The following SESTD1 variants were observed in gnomAD, a reference collection of about 807,000 sequenced individuals.
SESTD1 encodes the protein SEC14 and spectrin domain containing 1, also known as SEC14 domain and spectrin repeat-containing protein 1.
Under a neutral mutation model 101.7 loss-of-function variants are expected in SESTD1, and 43 were observed. That is an observed-to-expected ratio of 0.42 (90% CI 0.33 to 0.55). SESTD1 has a LOEUF of 0.55. Among genes scored for constraint, SESTD1 ranks in the 20% least tolerant of loss-of-function variants. SESTD1 has a pLI of 0.07. For synonymous variants in SESTD1, 283 were observed against 286.8 expected, an observed-to-expected ratio of 0.99 and a Z score of 0.13; for missense variants, 647 against 815.1, an observed-to-expected ratio of 0.79 and a Z score of 2.51.
chr2:179,186,741 G>A (rs896318525), intron 2 of SESTD1, among the ~76,000 whole-genome samples: 1 of 145,448 alleles, frequency 6.9e-6, no homozygotes, highest in Non-Finnish European at 1.5e-5. Context: ...AGGCTGGAGT[G>A]CAGTGGCGCG....
At chr2:179,120,681 G>A (rs762087103) in intron 13 of SESTD1, among the ~76,000 whole-genome samples, 13 of 152,044 alleles carry the variant, frequency 8.6e-5, no homozygotes, top group Admixed American at 6.5e-5. Context: ...TATTACGTTG[G>A]TAATGCTGGT....
chr2:179,222,103 C>T (rs1314275835), intron 1 of SESTD1, among the ~76,000 whole-genome samples: 3 of 152,108 alleles, frequency 2.0e-5, no homozygotes, highest in South Asian at 2.1e-4. Context: ...GAGTGACCAC[C>T]TCTTTTCTCT....
chr2:179,248,911 T>C (rs1654868423), intron 1 of SESTD1, among the ~76,000 whole-genome samples: 1 of 148,582 alleles, frequency 6.7e-6, no homozygotes, highest in Non-Finnish European at 1.5e-5. Context: ...GGAAACCCTG[T>C]CTGTACAAAA....
intron 1 of SESTD1, among the ~76,000 whole-genome samples, chr2:179,242,944 G>A (rs1264070339): frequency 6.6e-6 from 1 of 152,098 alleles, no homozygotes; most frequent in East Asian, 1.9e-4. Flanking sequence ...AACAAAAATT[G>A]ACAAGTGGTA....
chr2:179,122,395 AC>A (rs1350887952), intron 12 of SESTD1, among the ~76,000 whole-genome samples: 1 of 152,224 alleles, frequency 6.6e-6, no homozygotes, highest in Non-Finnish European at 1.5e-5. Context: ...AGGATGTTGA[AC>A]ATTGTGACTA....
chr2:179,199,518 A>G (rs1035300404), intron 1 of SESTD1, among the ~76,000 whole-genome samples: 1 of 152,204 alleles, frequency 6.6e-6, no homozygotes, highest in African/African-American at 2.4e-5. Context: ...AGAATTTTAG[A>G]CCAATATCCT....
chr2:179,117,628 C>A lies in SESTD1; in HGVS notation c.1443-15G>T. ...TGTCTTCACATCTAATGAACCCAAA[C>A]ATAAATTTAACTCATCATTTCTGTT... On this transcript the variant is annotated splice_polypyrimidine_tract_variant and intron_variant, in intron 13 of 17. Transcript: ENST00000428443. The A allele has an allele frequency of 6.5e-7, 1 of 1,548,760 alleles. No homozygotes were observed. Among genetic ancestry groups the A allele is most frequent in the African/African-American group, 1.4e-5 (1 of 70,768 alleles).
intron 1 of SESTD1, among the ~76,000 whole-genome samples, chr2:179,222,962 T>C (rs972795673): frequency 1.3e-5 from 2 of 152,094 alleles, no homozygotes; most frequent in African/African-American, 4.8e-5. Context: ...AAACAAAAAA[T>C]ATATCCACCC....
At chr2:179,259,283 G>GT (rs1235838347) in intron 1 of SESTD1, among the ~76,000 whole-genome samples, 1 of 152,144 alleles carries the variant, frequency 6.6e-6, no homozygotes, top group Admixed American at 6.5e-5. Flanking sequence ...CCAGGCTGGA[G>GT]TGCAGTGGCG....
chr2:179,227,065 A>C (rs972901037), intron 1 of SESTD1, among the ~76,000 whole-genome samples: 1 of 152,218 alleles, frequency 6.6e-6, no homozygotes, highest in African/African-American at 2.4e-5. Context: ...GCCCATTAGG[A>C]TTATGAATGA....
rs758441486 is a variant in SESTD1 at position 179,110,054 on chromosome 2, C to A, written c.1962-26G>T. ...CTAAAAATCAAAACACACAGAAAAACCTCAGATTAATACAAATCTATTAAC... is the reference window on the plus strand; with the variant it reads ...CTAAAAATCAAAACACACAGAAAAAACTCAGATTAATACAAATCTATTAAC... On this transcript the variant is annotated intron_variant, in intron 17 of 17. Coordinates refer to ENST00000428443, the MANE Select transcript of SESTD1 (RefSeq NM_178123.5). The A allele has an allele frequency of 5.0e-6, 8 of 1,610,386 alleles. No homozygotes were observed. In the East Asian group the frequency reaches 1.3e-4, roughly 27 times the overall value.
intron 15 of SESTD1, 56 bp downstream of exon 15, chr2:179,116,612 G>A: frequency 6.2e-7 from 1 of 1,612,542 alleles, no homozygotes; most frequent in Non-Finnish European, 8.5e-7. Flanking sequence ...TTATAATCAT[G>A]CAGAAAGCTA....
Position 179,101,866 on chromosome 2 carries a change from A to G in SESTD1, c.*8033T>C, listed in dbSNP as rs1261557156. The G allele has an allele frequency of 2.0e-5, 3 of 152,122 alleles. No homozygotes were observed. The highest frequency in any genetic ancestry group is 2.9e-5 in the Non-Finnish European group (2 of 68,000). 9.4% of individuals were successfully genotyped at this position (152,122 alleles called of 1,614,324 possible). ...ATAACAAATGTACAATGTCTTCTAT[A>G]TATTTTTTTGCTTGTATGTTGAACT... On this transcript the variant is annotated 3_prime_UTR_variant, in exon 18 of 18. Coordinates refer to ENST00000428443, the MANE Select transcript of SESTD1 (RefSeq NM_178123.5).
Position 179,109,293 on chromosome 2 carries a change from C to T in SESTD1, c.*606G>A, listed in dbSNP as rs1425579069. 1.3e-5 allele frequency: 2 copies of T among 155,218 alleles called. No homozygotes were observed. Among genetic ancestry groups the T allele is most frequent in the African/African-American group, 2.4e-5 (1 of 41,544 alleles). The allele number at this position is 155,218 out of a possible 1,614,324, so 9.6% of individuals were successfully genotyped here. Reference sequence around the variant, plus strand: ...CATGTTTGGAAATAGGATGTAACTACTAAATTAAATAAGATGTTTAAAGAA... The same window carrying T: ...CATGTTTGGAAATAGGATGTAACTATTAAATTAAATAAGATGTTTAAAGAA... On this transcript the variant is annotated 3_prime_UTR_variant, in exon 18 of 18. Transcript: ENST00000428443.
chr2:179,163,043 A>T (rs1199013645), intron 5 of SESTD1, among the ~76,000 whole-genome samples: 2 of 152,066 alleles, frequency 1.3e-5, no homozygotes, highest in Non-Finnish European at 2.9e-5. Context: ...CGAGATTGAT[A>T]TATTTCCGTC....
chr2:179,249,713 A>G (rs2047287734), intron 1 of SESTD1, among the ~76,000 whole-genome samples: 1 of 152,182 alleles, frequency 6.6e-6, no homozygotes, highest in Admixed American at 6.6e-5. Context: ...CAATTTTGGA[A>G]AATAATGCAG....
rs1490019035 is a variant in SESTD1 at position 179,102,865 on chromosome 2, A to G, written c.*7034T>C. The G allele has an allele frequency of 6.6e-6, 1 of 152,096 alleles. No homozygotes were observed. The highest frequency in any genetic ancestry group is 2.1e-4 in the South Asian group (1 of 4,828). The allele number at this position is 152,096 out of a possible 1,614,324, so 9.4% of individuals were successfully genotyped here. On this transcript the variant is annotated 3_prime_UTR_variant, in exon 18 of 18. Transcript: ENST00000428443. ...AAAGCATAGCTATCCCCTATGCAAA[A>G]CTGTGAGGTAGAATTTTTCCCACCC...
chr2:179,223,461 A>G (rs569677914), intron 1 of SESTD1, among the ~76,000 whole-genome samples: 2 of 152,318 alleles, frequency 1.3e-5, no homozygotes, highest in East Asian at 3.8e-4. Context: ...ATCAAAAATA[A>G]TTTAAAAAAT....
chr2:179,251,322 A>G (rs549067471), intron 1 of SESTD1, among the ~76,000 whole-genome samples: 1 of 152,342 alleles, frequency 6.6e-6, no homozygotes, highest in African/African-American at 2.4e-5. Context: ...ATCTTGCTAC[A>G]CATGGGTGGG....
Sources: gnomAD v4.1 joint callset for allele counts (sites outside exome capture counted in the v4.1 genomes callset) on GRCh38, gnomAD v4.1.1 for gene constraint, MANE v1.5 for transcripts, NCBI Gene and HGNC (gene_info 2026-07-23, HGNC 2026-07-21) for gene names.